Variants in PLEKHA7 observed in about 807,000 individuals in gnomAD.
The protein encoded by PLEKHA7 is pleckstrin homology domain containing A7.
PLEKHA7 carries 104 observed loss-of-function variants against 170.0 expected under a neutral mutation model. The observed-to-expected ratio is 0.61, with a 90% CI of 0.52 to 0.72. The LOEUF (loss-of-function observed/expected upper bound fraction) is 0.72, where lower values mean the gene tolerates loss of function less well. Ranked by LOEUF, PLEKHA7 falls within the 30% of genes least tolerant of loss-of-function variation. The pLI is 0.00. For missense variants in PLEKHA7, 1,615 were observed against 1,671.7 expected, an observed-to-expected ratio of 0.97 and a Z score of 0.59; for synonymous variants, 648 against 660.8, an observed-to-expected ratio of 0.98 and a Z score of 0.30.
intron 9 of PLEKHA7, among the ~76,000 whole-genome samples, chr11:16,840,058 C>T (rs79470936): frequency 0.065 from 9,825 of 152,054 alleles, 1,021 homozygotes; most frequent in African/African-American, 0.22. Flanking sequence ...ATTATGGAAA[C>T]AATAGAAAAA....
chr11:16,928,443 A>AT (rs764854359), intron 3 of PLEKHA7, among the ~76,000 whole-genome samples: 2,489 of 138,778 alleles, frequency 0.018, 31 homozygotes, highest in African/African-American at 0.044. Flanking sequence ...TTGCCCCCAG[A>AT]TTTTTTTTTT....
chr11:16,799,269 T>C (rs998775708), intron 17 of PLEKHA7, among the ~76,000 whole-genome samples: 32 of 152,322 alleles, frequency 2.1e-4, no homozygotes, highest in African/African-American at 7.7e-4. Flanking sequence ...CCTCTTCAAG[T>C]AAGCCTTTTA....
chr11:16,928,395 A>G (rs1293110793), intron 3 of PLEKHA7, among the ~76,000 whole-genome samples: 1 of 151,788 alleles, frequency 6.6e-6, no homozygotes, highest in East Asian at 1.9e-4. Flanking sequence ...TCTACTCACC[A>G]TTAGGGGTTT....
Position 16,877,520 on chromosome 11 carries a change from G to C in PLEKHA7, c.222-6338C>G, listed in dbSNP as rs112420741. Among the ~76,000 whole-genome samples the C allele has an allele frequency of 1.9e-3, 284 of 152,276 alleles. 3 individuals carry two copies. The highest frequency in any genetic ancestry group is 6.4e-3 in the African/African-American group (268 of 41,562). ...CACAAAATTGCTCACTTAATGCAAAGCATCATCATTAATGTGGCATTTCTA... is the reference window on the plus strand; with the variant it reads ...CACAAAATTGCTCACTTAATGCAAACCATCATCATTAATGTGGCATTTCTA... On this transcript the variant is annotated intron_variant, in intron 3 of 26. Transcript: ENST00000531066.
chr11:16,906,228 AAGGAAGGAAGGAAG>A (rs1857658919), intron 3 of PLEKHA7, among the ~76,000 whole-genome samples: 1 of 28,904 alleles, frequency 3.5e-5, no homozygotes, highest in African/African-American at 9.4e-5. Context: ...ATGAGGTAGG[AAGGAAGGAAGGAAG>A]GAAGGAAGGA....
intron 3 of PLEKHA7, among the ~76,000 whole-genome samples, chr11:16,909,091 T>C (rs1858067420): frequency 6.6e-6 from 1 of 152,194 alleles, no homozygotes; most frequent in Non-Finnish European, 1.5e-5. Flanking sequence ...TTTGTAGAGT[T>C]TCTGGGTGGA....
At position 16,794,670 on chromosome 11, in the gene PLEKHA7, G is replaced by A; in HGVS notation, c.2563C>T (p.Leu855Phe). Residue 855 changes from leucine (L) to phenylalanine (F), a missense_variant, in exon 19 of 27, where the codon CTC (leucine) becomes TTC (phenylalanine). By Grantham distance (22) the Leu-to-Phe change is conservative. Transcript: ENST00000531066. ...GGCGGCTTGCTCTCAGAAGTTGAGA[G>A]TGAAGGCACAGGCGGGTGAGGAAAC... The part of the protein sequence containing the change: ...PLFPHPPVPS[L>F]STSESKPPPQ... The A allele has an allele frequency of 2.5e-6, 4 of 1,614,128 alleles. No individual in the cohort carries two copies. The highest frequency in any genetic ancestry group is 3.4e-6 in the Non-Finnish European group (4 of 1,180,012).
intron 10 of PLEKHA7, among the ~76,000 whole-genome samples, chr11:16,822,167 T>C (rs189194326): frequency 6.6e-6 from 1 of 152,300 alleles, no homozygotes; most frequent in East Asian, 1.9e-4. Flanking sequence ...GGAGCAGTTA[T>C]GCGGAGACAT....
intron 3 of PLEKHA7, among the ~76,000 whole-genome samples, chr11:16,979,688 C>A (rs4757466): frequency 0.66 from 100,289 of 151,710 alleles, 33,636 homozygotes; most frequent in East Asian, 0.96. Flanking sequence ...ACTTTGAGAA[C>A]CTGGCCCTAC....
At chr11:16,987,464 G>A (rs776524929) in intron 3 of PLEKHA7, among the ~76,000 whole-genome samples, 43 of 152,192 alleles carry the variant, frequency 2.8e-4, no homozygotes, top group Non-Finnish European at 5.4e-4. Flanking sequence ...TGGCTTCCGA[G>A]TAGAGACGCA....
chr11:16,852,021 T>C (rs1258566426), intron 7 of PLEKHA7, among the ~76,000 whole-genome samples: 7 of 152,236 alleles, frequency 4.6e-5, no homozygotes, highest in African/African-American at 1.4e-4. Flanking sequence ...TAAATCCAGA[T>C]GACAGGTTAC....
intron 3 of PLEKHA7, among the ~76,000 whole-genome samples, chr11:16,924,924 C>T (rs1412878792): frequency 1.3e-5 from 2 of 152,188 alleles, no homozygotes; most frequent in Admixed American, 6.5e-5. Context: ...GGGGCTGGGA[C>T]GGGCGCCTGG....
chr11:16,802,967 C>A lies in PLEKHA7; in HGVS notation c.2157+5G>T, dbSNP rs771179573. 2 of 1,610,038 alleles carry A rather than the reference C, an allele frequency of 1.2e-6. No homozygotes were observed. Among genetic ancestry groups the A allele is most frequent in the Non-Finnish European group, 1.7e-6 (2 of 1,176,308 alleles). ...ATTCCAAGATTATTCAAAACTGACA[C>A]GTACTTTGTTCTCTTTAAGGGCTCG... is the stretch of plus-strand genomic sequence containing the variant. On this transcript the variant is annotated splice_donor_5th_base_variant and intron_variant, in intron 15 of 26. Coordinates refer to ENST00000531066, the MANE Select transcript of PLEKHA7 (RefSeq NM_001329630.2).
intron 3 of PLEKHA7, among the ~76,000 whole-genome samples, chr11:16,892,432 G>GTGTGTGTTTTGTTTTGTTT (rs1554964931): frequency 2.6e-5 from 3 of 114,946 alleles, no homozygotes; most frequent in South Asian, 2.8e-4. Flanking sequence ...GTGTGTGTGT[G>GTGTGTGTTTTGTTTTGTTT]TGTTTTGTTT....
At chr11:16,870,816 C>A (rs1854776318) in intron 4 of PLEKHA7, among the ~76,000 whole-genome samples, 1 of 152,028 alleles carries the variant, frequency 6.6e-6, no homozygotes, top group Admixed American at 6.6e-5. Flanking sequence ...GAAGATATAG[C>A]AGGAGAAAGG....
At chr11:16,782,714 G>A in intron 26 of PLEKHA7, 40 bp downstream of exon 26, 3 of 1,532,958 alleles carry the variant, frequency 2.0e-6, no homozygotes, top group South Asian at 1.2e-5. Flanking sequence ...AGGTGCAGTG[G>A]GGCAGGATCC....
intron 3 of PLEKHA7, among the ~76,000 whole-genome samples, chr11:16,948,089 C>T (rs1861161614): frequency 6.6e-6 from 1 of 152,052 alleles, no homozygotes; most frequent in Non-Finnish European, 1.5e-5. Context: ...AAGACAAATA[C>T]TGCATGATCT....
At chr11:16,845,769 G>A (rs1447443534) in intron 8 of PLEKHA7, among the ~76,000 whole-genome samples, 1 of 152,192 alleles carries the variant, frequency 6.6e-6, no homozygotes, top group African/African-American at 2.4e-5. Flanking sequence ...AGAAACAGGT[G>A]AGGGGGGGAT....
At chr11:16,929,531 A>G (rs991911714) in intron 3 of PLEKHA7, among the ~76,000 whole-genome samples, 2 of 152,258 alleles carry the variant, frequency 1.3e-5, no homozygotes, top group African/African-American at 4.8e-5. Context: ...AATCAGCTGA[A>G]TAAGAGCAAG....
Sources: gnomAD v4.1 joint callset for allele counts (sites outside exome capture counted in the v4.1 genomes callset) on GRCh38, gnomAD v4.1.1 for gene constraint, MANE v1.5 for transcripts, NCBI Gene and HGNC (gene_info 2026-07-23, HGNC 2026-07-21) for gene names.